Variants in GPHN observed in about 807,000 individuals in gnomAD.
The protein encoded by GPHN is gephyrin.
A neutral mutation model predicts 95.5 loss-of-function variants in GPHN; 17 were observed. The observed-to-expected ratio is 0.18, with a 90% CI of 0.12 to 0.27. The LOEUF (loss-of-function observed/expected upper bound fraction) is 0.27. Among genes scored for constraint, GPHN ranks in the 10% least tolerant of loss-of-function variants. The pLI is 1.00. For synonymous variants in GPHN, 320 were observed against 322.5 expected, an observed-to-expected ratio of 0.99 and a Z score of 0.08; for missense variants, 660 against 978.1, an observed-to-expected ratio of 0.67 and a Z score of 4.34.
chr14:66,933,656 G>T (rs948953779), intron 8 of GPHN, among the ~76,000 whole-genome samples: 2 of 152,094 alleles, frequency 1.3e-5, no homozygotes, highest in Non-Finnish European at 2.9e-5. Context: ...CTATAAAATG[G>T]AAATAATAAT....
chr14:67,045,326 T>C (rs189154872), intron 10 of GPHN, among the ~76,000 whole-genome samples: 1 of 152,294 alleles, frequency 6.6e-6, no homozygotes, highest in East Asian at 1.9e-4. Context: ...TTCAGCTTTT[T>C]GCTATGAGGC....
At chr14:66,673,716 C>T (rs186580093) in intron 1 of GPHN, among the ~76,000 whole-genome samples, 15 of 152,286 alleles carry the variant, frequency 9.8e-5, no homozygotes, top group African/African-American at 3.4e-4. Context: ...ATCTCAGTTT[C>T]TGACTGATAA....
chr14:67,506,537 T>C, the GPHN span, among the ~76,000 whole-genome samples: 1 of 152,040 alleles, frequency 6.6e-6, no homozygotes, highest in Non-Finnish European at 1.5e-5. Flanking sequence ...ATAAAAATAA[T>C]GGGGATAGGG....
the GPHN span, chr14:67,571,509 C>T: frequency 1.1e-4 from 49 of 440,616 alleles, no homozygotes; most frequent in Non-Finnish European, 1.8e-4. Flanking sequence ...GGCATTCAGT[C>T]GTGATGGGCA....
the GPHN span, among the ~76,000 whole-genome samples, chr14:67,701,425 C>CTTTTTTTTTTTTTTTTTTTTTTTTTT: frequency 1.4e-5 from 1 of 71,128 alleles, no homozygotes; most frequent in Non-Finnish European, 2.8e-5. Context: ...ATTATAATTT[C>CTTTTTTTTTTTTTTTTTTTTTTTTTT]TTTTTTTTTT....
chr14:66,922,641 T>A, intron 6 of GPHN, 25 bp from the exon 7 acceptor site: 3 of 1,578,066 alleles, frequency 1.9e-6, no homozygotes, highest in Non-Finnish European at 2.6e-6. Context: ...TCATCTTAAT[T>A]TTTTTTTCTT....
intron 9 of GPHN, among the ~76,000 whole-genome samples, chr14:67,018,027 G>A (rs921317456): frequency 1.3e-5 from 2 of 152,092 alleles, no homozygotes; most frequent in African/African-American, 4.8e-5. Flanking sequence ...AATAAAAAGA[G>A]GATAAAGTCA....
chr14:66,555,653 T>G (rs552002094), intron 1 of GPHN, among the ~76,000 whole-genome samples: 5 of 152,176 alleles, frequency 3.3e-5, no homozygotes, highest in Non-Finnish European at 7.4e-5. Flanking sequence ...GAAATAGAAC[T>G]GTTATCCCCT....
At chr14:66,829,933 A>C (rs1437294223) in intron 4 of GPHN, among the ~76,000 whole-genome samples, 1 of 151,900 alleles carries the variant, frequency 6.6e-6, no homozygotes, top group Non-Finnish European at 1.5e-5. Flanking sequence ...TTACATTTTT[A>C]AATGGCTGAA....
At chr14:66,896,561 A>T (rs2064859602) in intron 5 of GPHN, among the ~76,000 whole-genome samples, 1 of 152,130 alleles carries the variant, frequency 6.6e-6, no homozygotes, top group Non-Finnish European at 1.5e-5. Context: ...GCAGTGAGCC[A>T]TGGTTGTGCC....
intron 20 of GPHN, among the ~76,000 whole-genome samples, chr14:67,168,561 A>C (rs1423094117): frequency 6.6e-6 from 1 of 152,204 alleles, no homozygotes; most frequent in Non-Finnish European, 1.5e-5. Context: ...AGTAATTTTT[A>C]AATGCTTAAA....
At chr14:67,167,711 A>G (rs943952375) in intron 20 of GPHN, among the ~76,000 whole-genome samples, 1 of 152,208 alleles carries the variant, frequency 6.6e-6, no homozygotes, top group African/African-American at 2.4e-5. Flanking sequence ...TCATGCTTAC[A>G]TAGAACTGTA....
At chr14:66,944,394 G>A (rs940104930) in intron 8 of GPHN, among the ~76,000 whole-genome samples, 6 of 152,192 alleles carry the variant, frequency 3.9e-5, no homozygotes, top group African/African-American at 1.4e-4. Context: ...TACAGGCTTT[G>A]CTCCCAAGGA....
At chr14:67,019,168 A>G (rs1481159578) in intron 9 of GPHN, among the ~76,000 whole-genome samples, 1 of 152,230 alleles carries the variant, frequency 6.6e-6, no homozygotes, top group Non-Finnish European at 1.5e-5. Context: ...AACAGAGAAG[A>G]GTACTTAGGA....
rs144881224 is a variant in GPHN, at chr14:67,031,521, G to A, written c.1006+7846G>A. ...ACTATTTATAAGCACTATTTTTCTC[G>A]ACTTTTTTATCTAGTCTAAGTAAAC... On this transcript the variant is annotated intron_variant, in intron 10 of 22. Coordinates refer to ENST00000478722, the MANE Select transcript of GPHN (RefSeq NM_020806.5). Among the ~76,000 whole-genome samples the A allele has an allele frequency of 3.0e-3, 458 of 151,838 alleles. 3 individuals carry two copies. Among genetic ancestry groups the A allele is most frequent in the African/African-American group, 0.011 (438 of 41,414 alleles).
intron 2 of GPHN, among the ~76,000 whole-genome samples, chr14:66,720,869 T>TA (rs2070677049): frequency 2.0e-5 from 3 of 151,966 alleles, no homozygotes; most frequent in African/African-American, 4.8e-5. Context: ...TGTCTCTTTG[T>TA]AAAAAACAGA....
intron 2 of GPHN, among the ~76,000 whole-genome samples, chr14:66,686,727 T>C (rs906334408): frequency 6.6e-6 from 1 of 152,192 alleles, no homozygotes; most frequent in Admixed American, 6.5e-5. Flanking sequence ...CTTTTCCTAA[T>C]TGAATACCCT....
At chr14:67,678,569 A>G in the GPHN span, 30 of 579,736 alleles carry the variant, frequency 5.2e-5, no homozygotes, top group African/African-American at 4.9e-4. Context: ...TTATCTCTTC[A>G]TTCTCCAGTC....
chr14:66,812,120 A>T (rs968092681), intron 3 of GPHN, among the ~76,000 whole-genome samples: 4 of 152,192 alleles, frequency 2.6e-5, no homozygotes, highest in Non-Finnish European at 4.4e-5. Flanking sequence ...CCTAGAAAGG[A>T]GAGAGCCAAA....
Sources: allele counts gnomAD v4.1 joint callset (sites outside exome capture counted in the v4.1 genomes callset), GRCh38; gene constraint gnomAD v4.1.1; transcripts MANE v1.5; gene names NCBI Gene and HGNC (gene_info 2026-07-23, HGNC 2026-07-21).